The following OSBPL9 variants were observed in gnomAD, a reference collection of about 807,000 sequenced individuals.
The protein encoded by OSBPL9 is oxysterol-binding protein-related protein 9.
OSBPL9 carries 40 observed loss-of-function variants against 106.6 expected under a neutral mutation model. The observed-to-expected ratio is 0.38, with a 90% CI of 0.29 to 0.49. The LOEUF (loss-of-function observed/expected upper bound fraction) is 0.49. Among genes scored for constraint, OSBPL9 ranks in the 20% least tolerant of loss-of-function variants. The probability of loss-of-function intolerance (pLI) is 0.97; values close to 1 mark genes in which losing one functional copy is unlikely to be tolerated. For synonymous variants in OSBPL9, 269 were observed against 295.4 expected, an observed-to-expected ratio of 0.91 and a Z score of 0.92; for missense variants, 609 against 887.2, an observed-to-expected ratio of 0.69 and a Z score of 3.98.
chr1:51,757,514 GTTATA>G (rs562518976), intron 9 of OSBPL9, among the ~76,000 whole-genome samples: 2 of 151,442 alleles, frequency 1.3e-5, no homozygotes, highest in African/African-American at 2.4e-5. Flanking sequence ...AGCCAAATTA[GTTATA>G]TTATGTTAAA....
chr1:51,587,634 G>C (rs1236825872), intron 1 of OSBPL9, among the ~76,000 whole-genome samples: 1 of 152,202 alleles, frequency 6.6e-6, no homozygotes, highest in African/African-American at 2.4e-5. Flanking sequence ...GAAAAGAGGT[G>C]GAGATCCATC....
chr1:51,776,393 T>C (rs1047175349), intron 14 of OSBPL9, among the ~76,000 whole-genome samples: 3 of 152,242 alleles, frequency 2.0e-5, no homozygotes, highest in African/African-American at 7.2e-5. Context: ...AGTGGGACGC[T>C]GAGCTTCATA....
intron 1 of OSBPL9, among the ~76,000 whole-genome samples, chr1:51,651,340 C>T (rs984111282): frequency 6.6e-6 from 1 of 152,088 alleles, no homozygotes; most frequent in African/African-American, 2.4e-5. Flanking sequence ...CGGTGACTCA[C>T]GCCTGTAATC....
At chr1:51,530,176 A>AAAAAAAAAAAAAAAAAAAAAAC in the OSBPL9 span, among the ~76,000 whole-genome samples, 1 of 107,706 alleles carries the variant, frequency 9.3e-6, no homozygotes, top group Non-Finnish European at 1.9e-5. Flanking sequence ...GTCTCAAAAA[A>AAAAAAAAAAAAAAAAAAAAAAC]AAAAAAAAAA....
chr1:51,745,765 A>C, intron 5 of OSBPL9, 134 bp downstream of exon 5: 1 of 1,116,506 alleles, frequency 9.0e-7, no homozygotes, highest in South Asian at 2.5e-5. Context: ...AAGCAGACTT[A>C]AAAGATCTAG....
chr1:51,609,235 C>T (rs1005576929), intron 2 of OSBPL9, among the ~76,000 whole-genome samples: 1 of 151,798 alleles, frequency 6.6e-6, no homozygotes, highest in Non-Finnish European at 1.5e-5. Context: ...TCTTCTTTTT[C>T]CTCTTCTTTA....
chr1:51,577,164 T>C (rs11205866), upstream of OSBPL9: 24,152 of 152,056 alleles, frequency 0.16, 3,731 homozygotes, highest in African/African-American at 0.4. Flanking sequence ...ACCTGCTCCC[T>C]CTTCACTTTC....
chr1:51,521,042 G>A, the OSBPL9 span, among the ~76,000 whole-genome samples: 1 of 152,300 alleles, frequency 6.6e-6, no homozygotes. Context: ...AACTCTAAAA[G>A]GAAGTAATCG....
intron 9 of OSBPL9, among the ~76,000 whole-genome samples, chr1:51,757,592 C>T (rs1437361896): frequency 6.6e-6 from 1 of 151,922 alleles, no homozygotes; most frequent in Non-Finnish European, 1.5e-5. Context: ...TGAAAAACAT[C>T]TAGAAAGTTT....
intron 3 of OSBPL9, among the ~76,000 whole-genome samples, chr1:51,694,628 T>C (rs1655645899): frequency 6.6e-6 from 1 of 152,234 alleles, no homozygotes; most frequent in Admixed American, 6.5e-5. Flanking sequence ...AGATCTTTTA[T>C]GCTTTGTATG....
At chr1:51,708,568 A>G (rs1426094809) in intron 3 of OSBPL9, among the ~76,000 whole-genome samples, 1 of 152,200 alleles carries the variant, frequency 6.6e-6, no homozygotes, top group Non-Finnish European at 1.5e-5. Flanking sequence ...ACTTGTAAGC[A>G]TCATATACTT....
At chr1:51,740,037 CT>C in intron 4 of OSBPL9, 2 of 1,369,652 alleles carry the variant, frequency 1.5e-6, no homozygotes, top group Non-Finnish European at 2.0e-6. Context: ...TACTTTTCCT[CT>C]GTGTAGTTAC....
intron 3 of OSBPL9, among the ~76,000 whole-genome samples, chr1:51,696,278 G>A (rs1336915061): frequency 6.6e-6 from 1 of 152,142 alleles, no homozygotes; most frequent in Non-Finnish European, 1.5e-5. Flanking sequence ...AGACAAAGCA[G>A]CAAATTTAAG....
At chr1:51,642,735 T>G (rs1645884324) in intron 1 of OSBPL9, among the ~76,000 whole-genome samples, 1 of 152,206 alleles carries the variant, frequency 6.6e-6, no homozygotes, top group Non-Finnish European at 1.5e-5. Context: ...GCTGTACCCC[T>G]TTTCTTAGCA....
At chr1:51,642,678 A>T (rs1011446472) in intron 1 of OSBPL9, among the ~76,000 whole-genome samples, 3 of 152,318 alleles carry the variant, frequency 2.0e-5, no homozygotes, top group Non-Finnish European at 4.4e-5. Flanking sequence ...ACCCTTTGGC[A>T]TATCTGGAGT....
At chr1:51,519,126 G>T in the OSBPL9 span, 1 of 1,095,182 alleles carries the variant, frequency 9.1e-7, no homozygotes, top group Non-Finnish European at 1.3e-6. Flanking sequence ...AAGCCAAGAA[G>T]TCGGCGAAGC....
At position 51,605,990 on chromosome 1, in the gene OSBPL9, CGAGA is replaced by C. The variant is rs369695331; in HGVS notation, c.-353+7812_-353+7815del. ...AAAAGAAAGAAACAAAGAAAGAGAG[CGAGA>C]GAGAGAGAGAGAGAAAGAAAAAAGA... On this transcript the variant is annotated intron_variant, in intron 2 of 25. Coordinates refer to the OSBPL9 transcript ENST00000371714. Among the ~76,000 whole-genome samples, 97 of 129,942 alleles carry C rather than the reference CGAGA, an allele frequency of 7.5e-4. 2 individuals are homozygous for C. In the South Asian group the frequency reaches 9.3e-3, roughly 12 times the overall value. 85.2% of individuals were successfully genotyped at this position (129,942 alleles called of 152,430 possible). A position where few individuals can be genotyped will look rare whatever the true frequency, so the allele number is the denominator to read the frequency against.
rs200742998 is a variant in OSBPL9 at position 51,757,202 on chromosome 1, A to T, written c.582+844A>T. Among the ~76,000 whole-genome samples, 150 of 152,132 alleles carry T rather than the reference A, an allele frequency of 9.9e-4. 1 individual carries two copies. Among genetic ancestry groups the T allele is most frequent in the South Asian group, 7.1e-3 (34 of 4,816 alleles). Reference sequence around the variant, plus strand: ...TGTTATCTTTATATTTGGTTTAAAAATTTTTTTTAAGTTAAATCTGTGTTT... The same window carrying T: ...TGTTATCTTTATATTTGGTTTAAAATTTTTTTTTAAGTTAAATCTGTGTTT... On this transcript the variant is annotated intron_variant, in intron 9 of 23. Transcript: ENST00000428468.
intron 4 of OSBPL9, among the ~76,000 whole-genome samples, chr1:51,734,934 A>G (rs1665317035): frequency 6.6e-6 from 1 of 152,164 alleles, no homozygotes; most frequent in Admixed American, 6.5e-5. Context: ...GTAACAGAAT[A>G]TTGTTCCTCA....
Sources: allele counts gnomAD v4.1 joint callset (sites outside exome capture counted in the v4.1 genomes callset), GRCh38; gene constraint gnomAD v4.1.1; transcripts MANE v1.5; gene names NCBI Gene and HGNC (gene_info 2026-07-23, HGNC 2026-07-21).